QKI: variants seen among roughly 807,000 people sequenced by gnomAD.
QKI encodes KH domain-containing RNA-binding protein QKI.
Under a neutral mutation model 39.0 loss-of-function variants are expected in QKI, and 10 were observed. The observed-to-expected ratio is 0.26, with a 90% CI of 0.16 to 0.43. QKI has a LOEUF of 0.43. Ranked by LOEUF, QKI falls within the 20% of genes least tolerant of loss-of-function variation. The pLI is 1.00. For missense variants in QKI, 218 were observed against 428.0 expected (o/e 0.51, Z 4.33); for synonymous variants, 204 against 155.4 (o/e 1.31, Z -2.33).
At chr6:163,452,922 T>A (rs1790678233) in intron 1 of QKI, among the ~76,000 whole-genome samples, 2 of 152,088 alleles carry the variant, frequency 1.3e-5, no homozygotes. Context: ...GAGACGGGGT[T>A]TCACTATGTT....
At chr6:163,436,789 C>CAAAAAA (rs60899517) in intron 1 of QKI, among the ~76,000 whole-genome samples, 5 of 89,408 alleles carry the variant, frequency 5.6e-5, no homozygotes, top group East Asian at 3.7e-4. Flanking sequence ...GACTCCGTCT[C>CAAAAAA]AAAAAAAAAA....
At chr6:163,561,880 C>T in intron 4 of QKI, 102 bp from the exon 5 acceptor site, 1 of 795,976 alleles carries the variant, frequency 1.3e-6, no homozygotes. Context: ...AAACAGGTGA[C>T]TGTAGTCACA....
At chr6:163,549,153 C>T (rs140243102) in intron 4 of QKI, among the ~76,000 whole-genome samples, 417 of 152,056 alleles carry the variant, frequency 2.7e-3, no homozygotes, top group Middle Eastern at 0.014. Context: ...AGAATGAGTG[C>T]CGAGCGAAGA....
intron 3 of QKI, among the ~76,000 whole-genome samples, chr6:163,510,083 A>G (rs1779342831): frequency 6.6e-6 from 1 of 151,956 alleles, no homozygotes; most frequent in South Asian, 2.1e-4. Context: ...GGATGTGGTG[A>G]TGCGCATTTG....
At chr6:163,492,343 A>G (rs911856691) in intron 3 of QKI, among the ~76,000 whole-genome samples, 1 of 152,278 alleles carries the variant, frequency 6.6e-6, no homozygotes, top group Admixed American at 6.5e-5. Context: ...TAAAACATGT[A>G]ATTGTTAACT....
At position 163,455,539 on chromosome 6, in the gene QKI, A is replaced by G. The variant is rs546181328; in HGVS notation, c.285+118A>G. 3.2e-5 allele frequency: 33 copies of G among 1,022,716 alleles called. No homozygotes were observed. The Middle Eastern group carries it at 1.8e-3, about 54-fold the overall frequency. The allele number at this position is 1,022,716 out of a possible 1,614,324, so 63.4% of individuals were successfully genotyped here. A position where few individuals can be genotyped will look rare whatever the true frequency, so the allele number is the denominator to read the frequency against. ...CCACTTTAAAAAAATGCAGTCATCA[A>G]CTGAAGTGTGAATAATTTGGCATGA... On this transcript the variant is annotated intron_variant, in intron 2 of 7. Transcript: ENST00000361752.
At chr6:163,430,806 C>T (rs1582971374) in intron 1 of QKI, among the ~76,000 whole-genome samples, 1 of 152,048 alleles carries the variant, frequency 6.6e-6, no homozygotes, top group Non-Finnish European at 1.5e-5. Context: ...AGGCTTTAGG[C>T]TGATGTTTGA....
At chr6:163,542,790 A>G (rs968328403) in intron 4 of QKI, among the ~76,000 whole-genome samples, 1 of 152,036 alleles carries the variant, frequency 6.6e-6, no homozygotes, top group Non-Finnish European at 1.5e-5. Context: ...ATCTCTTTAT[A>G]TACATGGAGG....
At chr6:163,494,592 TC>T (rs1297242504) in intron 3 of QKI, among the ~76,000 whole-genome samples, 1 of 152,130 alleles carries the variant, frequency 6.6e-6, no homozygotes, top group African/African-American at 2.4e-5. Flanking sequence ...CCTTTTTACT[TC>T]AGTTCATACA....
At chr6:163,483,925 A>G (rs1793270710) in intron 3 of QKI, among the ~76,000 whole-genome samples, 1 of 152,216 alleles carries the variant, frequency 6.6e-6, no homozygotes. Context: ...TTCTTAAATA[A>G]TAAGGCTTGA....
In QKI at chr6:163,572,524, T is replaced by A. The variant is rs749395186; in HGVS notation, c.*1814T>A. ...GTGCATATAAATACTCAACCACATT[T>A]CAGCTTAAGCTTCTAATTTCTCAAG... On this transcript the variant is annotated 3_prime_UTR_variant, in exon 8 of 8. Coordinates refer to ENST00000361752, the MANE Select transcript of QKI (RefSeq NM_006775.3). The A allele has an allele frequency of 2.6e-5, 4 of 152,030 alleles. No individual in the cohort carries two copies. The highest frequency in any genetic ancestry group is 5.9e-5 in the Non-Finnish European group (4 of 68,012). The allele number at this position is 152,030 out of a possible 1,614,324, so 9.4% of individuals were successfully genotyped here.
At position 163,528,466 on chromosome 6, in the gene QKI, A is replaced by T. The variant is rs1780649647; in HGVS notation, c.403-6516A>T. On this transcript the variant is annotated intron_variant, in intron 3 of 7. Coordinates refer to ENST00000361752, the MANE Select transcript of QKI (RefSeq NM_006775.3). ...AGGTATGGTAGCTTGGTGGTACAAC[A>T]CTTACTGCCTGACTTGACTAAATCA... 2.0e-5 allele frequency among the ~76,000 whole-genome samples: 3 copies of T among 152,128 alleles called. No homozygotes were observed. In the South Asian group the frequency reaches 6.2e-4, roughly 32 times the overall value.
intron 1 of QKI, among the ~76,000 whole-genome samples, chr6:163,441,452 G>A (rs577847330): frequency 2.0e-5 from 3 of 152,256 alleles, no homozygotes; most frequent in Admixed American, 1.3e-4. Context: ...TGTTCAAAAG[G>A]TGTTTTTTCT....
chr6:163,439,310 C>A (rs928260363), intron 1 of QKI, among the ~76,000 whole-genome samples: 7 of 149,062 alleles, frequency 4.7e-5, no homozygotes, highest in African/African-American at 1.7e-4. Context: ...AGAATTTTCG[C>A]TCTAGAATAA....
intron 3 of QKI, among the ~76,000 whole-genome samples, chr6:163,527,116 A>C (rs1056735238): frequency 1.3e-5 from 2 of 152,200 alleles, no homozygotes; most frequent in Non-Finnish European, 2.9e-5. Context: ...CAACGGACTG[A>C]ATATAAAATT....
chr6:163,522,380 C>T (rs75799777), intron 3 of QKI, among the ~76,000 whole-genome samples: 2,781 of 152,160 alleles, frequency 0.018, 30 homozygotes, highest in Non-Finnish European at 0.023. Context: ...TAAATGAATA[C>T]GTGAGTGAGT....
chr6:163,529,639 A>G lies in QKI; in HGVS notation c.403-5343A>G, dbSNP rs151260840. Among the ~76,000 whole-genome samples the G allele has an allele frequency of 1.1e-4, 17 of 152,060 alleles. No homozygotes were observed. In the East Asian group the frequency reaches 3.3e-3, roughly 29 times the overall value. Reference sequence around the variant, plus strand: ...GGGTGTCAAAATCCATGTTTGGGGAATGGCCAGTAATACAGCATGGAGTAA... The same window carrying G: ...GGGTGTCAAAATCCATGTTTGGGGAGTGGCCAGTAATACAGCATGGAGTAA... On this transcript the variant is annotated intron_variant, in intron 3 of 7. Transcript: ENST00000361752.
intron 1 of QKI, among the ~76,000 whole-genome samples, chr6:163,417,894 T>C (rs1295370634): frequency 6.6e-6 from 1 of 152,174 alleles, no homozygotes; most frequent in Non-Finnish European, 1.5e-5. Context: ...TTCCTTAGTG[T>C]GGAATAAGCG....
At chr6:163,522,835 A>G (rs953266607) in intron 3 of QKI, among the ~76,000 whole-genome samples, 1 of 152,156 alleles carries the variant, frequency 6.6e-6, no homozygotes, top group African/African-American at 2.4e-5. Context: ...TGATGTGTGC[A>G]CGATTACATG....
Sources: allele counts gnomAD v4.1 joint callset (sites outside exome capture counted in the v4.1 genomes callset), GRCh38; gene constraint gnomAD v4.1.1; transcripts MANE v1.5; gene names NCBI Gene and HGNC (gene_info 2026-07-23, HGNC 2026-07-21).